ERMP1: variants seen among roughly 807,000 people sequenced by gnomAD.
ERMP1 encodes the protein Felix-ina.
A neutral mutation model predicts 92.0 loss-of-function variants in ERMP1; 86 were observed. The ratio of observed to expected loss-of-function variants is 0.93; its 90% CI spans 0.79 to 1.12. The LOEUF is 1.12. ERMP1 is among the 50% of genes most tolerant of loss of function. The pLI, the probability that ERMP1 is intolerant of heterozygous loss-of-function variation, is 0.00. For synonymous variants in ERMP1, 530 were observed against 412.8 expected (o/e 1.28, Z -3.44); for missense variants, 1,342 against 1,116.3 (o/e 1.20, Z -2.88).
At position 5,801,957 on chromosome 9, in the gene ERMP1, T is replaced by C. The variant is rs974535987; in HGVS notation, c.1915-629A>G. ...AGGTTGGCATCTAGAAAATCCTAAA[T>C]ATTTTCAATCGTAATGAAATCGCTG... On this transcript the variant is annotated intron_variant, in intron 10 of 14. Transcript: ENST00000339450. 1.3e-4 allele frequency among the ~76,000 whole-genome samples: 20 copies of C among 152,322 alleles called. 1 individual carries two copies. Among genetic ancestry groups the C allele is most frequent in the Admixed American group, 8.5e-4 (13 of 15,300 alleles).
intron 6 of ERMP1, among the ~76,000 whole-genome samples, chr9:5,844,951 G>A (rs1337508676): frequency 2.0e-5 from 3 of 152,112 alleles, no homozygotes; most frequent in Non-Finnish European, 4.4e-5. Context: ...TCTTCAGAGG[G>A]CAGGATGTGT....
At chr9:5,857,212 G>C (rs1229867598) in intron 6 of ERMP1, among the ~76,000 whole-genome samples, 2 of 152,050 alleles carry the variant, frequency 1.3e-5, no homozygotes, top group Non-Finnish European at 2.9e-5. Flanking sequence ...TGTAGAGATG[G>C]GGTTTTGCTG....
At chr9:5,805,541 A>G in intron 9 of ERMP1, 70 bp downstream of exon 9, 1 of 1,375,354 alleles carries the variant, frequency 7.3e-7, no homozygotes, top group Non-Finnish European at 9.7e-7. Context: ...ACCAAAAAAG[A>G]AAGAGTCCCT....
chr9:5,812,945 C>G lies in ERMP1; in HGVS notation c.965G>C (p.Gly322Ala). 1 of 1,613,970 alleles carries G rather than the reference C, an allele frequency of 6.2e-7. No homozygotes were observed. ...SVVAQEVFQSGIIPSDTDFRI... is the reference protein window; with the variant it reads ...SVVAQEVFQSAIIPSDTDFRI... The stretch of plus-strand genomic sequence containing the variant: ...AAAGTCAGTATCTGAAGGAATGATT[C>G]CACTCTGAAAAACCTCCTGAGCCAC... The change falls in exon 5 of 15, where the codon GGA (glycine) becomes GCA (alanine). Residue 322 changes from glycine to alanine, a missense_variant. Coordinates refer to ENST00000339450, the MANE Select transcript of ERMP1 (RefSeq NM_024896.3).
intron 5 of ERMP1, among the ~76,000 whole-genome samples, chr9:5,862,018 A>AGTATGTAT (rs767133821): frequency 6.6e-6 from 1 of 151,774 alleles, no homozygotes; most frequent in South Asian, 2.1e-4. Flanking sequence ...TTTTAAAAAA[A>AGTATGTAT]GTATGTATGT....
At chr9:5,857,143 T>C (rs887103679) in intron 6 of ERMP1, among the ~76,000 whole-genome samples, 1 of 152,092 alleles carries the variant, frequency 6.6e-6, no homozygotes, top group Non-Finnish European at 1.5e-5. Flanking sequence ...CACCTCAGAC[T>C]CCCAAGTAGC....
rs548721369 is a variant in ERMP1, at chr9:5,816,961, C to T, written c.875-3926G>A. Among the ~76,000 whole-genome samples, 82 of 150,500 alleles carry T rather than the reference C, an allele frequency of 5.4e-4. 1 individual carries two copies. The highest frequency in any genetic ancestry group is 1.7e-3 in the African/African-American group (71 of 40,876). On this transcript the variant is annotated intron_variant, in intron 4 of 14. Transcript: ENST00000339450. ...TCTCCCAGGCTGGAGTACAGCACCTCAATCTTGGCTCACTGCAAGCTCTGC... is the reference window on the plus strand; with the variant it reads ...TCTCCCAGGCTGGAGTACAGCACCTTAATCTTGGCTCACTGCAAGCTCTGC...
rs375496335 is a variant in ERMP1, at chr9:5,858,214, A to T, written n.3199+1254T>A. 3.2e-4 allele frequency among the ~76,000 whole-genome samples: 48 copies of T among 152,360 alleles called. No homozygotes were observed. The South Asian group carries it at 9.9e-3, about 32-fold the overall frequency. ...AGTATGGTTTGAAGGGCTCTGAGTC[A>T]GTGCCTGGAACCCAGATTGGGGAAG... On this transcript the variant is annotated intron_variant and non_coding_transcript_variant, in intron 6 of 6. Coordinates refer to the ERMP1 transcript ENST00000690753.
intron 5 of ERMP1, among the ~76,000 whole-genome samples, chr9:5,863,103 A>G (rs1174800874): frequency 2.6e-5 from 4 of 152,242 alleles, no homozygotes; most frequent in Non-Finnish European, 5.9e-5. Context: ...TACAGCAGCA[A>G]GAAACCCTGT....
chr9:5,799,039 T>A (rs1428104738), intron 11 of ERMP1, 31 bp from the exon 12 acceptor site: 2 of 1,532,104 alleles, frequency 1.3e-6, no homozygotes, highest in Non-Finnish European at 1.8e-6. Flanking sequence ...AAAAAACTGT[T>A]TCAACTAGTA....
chr9:5,785,510 T>C lies in ERMP1; in HGVS notation c.*1634A>G, dbSNP rs1428401142. On this transcript the variant is annotated 3_prime_UTR_variant, in exon 15 of 15. Coordinates refer to ENST00000339450, the MANE Select transcript of ERMP1 (RefSeq NM_024896.3). ...CAATGATTCCAGTGTGCAGTGCTGA[T>C]GCATGTGTGAGCCTAACATGTTATT... is the stretch of plus-strand genomic sequence containing the variant. 6.6e-6 allele frequency: 1 copy of C among 152,302 alleles called. No individual in the cohort carries two copies. The highest frequency in any genetic ancestry group is 2.4e-5 in the African/African-American group (1 of 41,450). The allele number at this position is 152,302 out of a possible 1,614,324, so 9.4% of individuals were successfully genotyped here. A position where few individuals can be genotyped will look rare whatever the true frequency, so the allele number is the denominator to read the frequency against.
intron 5 of ERMP1, among the ~76,000 whole-genome samples, chr9:5,859,936 C>A (rs1411590273): frequency 3.3e-5 from 5 of 152,124 alleles, no homozygotes; most frequent in Non-Finnish European, 7.4e-5. Context: ...TTACACAGGT[C>A]TTAGTACCAG....
At chr9:5,844,163 C>T (rs1432369905) in intron 6 of ERMP1, among the ~76,000 whole-genome samples, 1 of 152,190 alleles carries the variant, frequency 6.6e-6, no homozygotes, top group East Asian at 1.9e-4. Context: ...TAACATCCTA[C>T]ATCCTGAGAC....
chr9:5,850,326 A>C (rs2129754854), intron 6 of ERMP1, among the ~76,000 whole-genome samples: 1 of 134,716 alleles, frequency 7.4e-6, no homozygotes. Flanking sequence ...AACTGCTTGA[A>C]CCTGGGAGGT....
intron 4 of ERMP1, among the ~76,000 whole-genome samples, chr9:5,815,136 T>C (rs1002149194): frequency 6.6e-6 from 1 of 152,042 alleles, no homozygotes; most frequent in Non-Finnish European, 1.5e-5. Context: ...CCAAGAATCT[T>C]CCAAAACTCA....
rs746110746 is a variant in ERMP1, at chr9:5,811,300, T to C, written c.1138A>G (p.Lys380Glu). The change falls in exon 7 of 15, where the codon AAG (lysine) becomes GAG (glutamate). Residue 380 changes from lysine to glutamate, a missense_variant. Lys to Glu is a moderately conservative substitution (Grantham distance 56). Coordinates refer to ENST00000339450, the MANE Select transcript of ERMP1 (RefSeq NM_024896.3). ...RAGDNILAVL[K>E]HLATSDMLAA... ...AGCATATCAGATGTAGCTAGATGCT[T>C]AAGAACTGCTAAAATGTTGTCACCT... 2 of 1,611,520 alleles carry C rather than the reference T, an allele frequency of 1.2e-6. No individual in the cohort carries two copies. Among genetic ancestry groups the C allele is most frequent in the Non-Finnish European group, 1.7e-6 (2 of 1,179,218 alleles).
intron 5 of ERMP1, among the ~76,000 whole-genome samples, chr9:5,859,986 T>G (rs1830439701): frequency 6.6e-6 from 1 of 152,210 alleles, no homozygotes; most frequent in East Asian, 1.9e-4. Context: ...ACATGCTAAA[T>G]AAGCTCAACT....
intron 4 of ERMP1, among the ~76,000 whole-genome samples, chr9:5,813,436 T>A (rs1829185306): frequency 6.6e-6 from 1 of 152,212 alleles, no homozygotes; most frequent in Non-Finnish European, 1.5e-5. Flanking sequence ...AAATGCATTT[T>A]CCTATGTTGC....
At chr9:5,844,291 C>G (rs1830207542) in intron 6 of ERMP1, among the ~76,000 whole-genome samples, 1 of 152,098 alleles carries the variant, frequency 6.6e-6, no homozygotes, top group Non-Finnish European at 1.5e-5. Flanking sequence ...TCGTTTGTTT[C>G]AAGACAGAGT....
Sources: gnomAD v4.1 joint callset for allele counts (sites outside exome capture counted in the v4.1 genomes callset) on GRCh38, gnomAD v4.1.1 for gene constraint, MANE v1.5 for transcripts, NCBI Gene and HGNC (gene_info 2026-07-23, HGNC 2026-07-21) for gene names.